Variants in GABBR2 observed in about 807,000 individuals in gnomAD.
The protein encoded by GABBR2 is gamma-aminobutyric acid type B receptor subunit 2, also known as G-protein coupled receptor 51.
In GABBR2, 23 loss-of-function variants were observed where a neutral mutation model predicts 105.6. The observed-to-expected ratio is 0.22, with a 90% CI of 0.16 to 0.31. GABBR2 has a LOEUF of 0.31. Ranked by LOEUF, GABBR2 falls within the 10% of genes least tolerant of loss-of-function variation. The pLI is 1.00. For missense variants in GABBR2, 734 were observed against 1,245.5 expected, an observed-to-expected ratio of 0.59 and a Z score of 6.18; for synonymous variants, 478 against 499.7, an observed-to-expected ratio of 0.96 and a Z score of 0.58.
chr9:98,323,058 C>T (rs2131378105), intron 13 of GABBR2, among the ~76,000 whole-genome samples: 1 of 152,216 alleles, frequency 6.6e-6, no homozygotes, highest in South Asian at 2.1e-4. Context: ...TTTTAGGGGA[C>T]ATTAAACGAG....
At chr9:98,694,759 C>T (rs963135981) in intron 1 of GABBR2, among the ~76,000 whole-genome samples, 2 of 152,146 alleles carry the variant, frequency 1.3e-5, no homozygotes, top group South Asian at 2.1e-4. Flanking sequence ...TCTCTTTCTC[C>T]GATCTCTATA....
At chr9:98,317,983 G>A (rs1218113912) in intron 13 of GABBR2, among the ~76,000 whole-genome samples, 1 of 152,170 alleles carries the variant, frequency 6.6e-6, no homozygotes, top group Non-Finnish European at 1.5e-5. Context: ...TCTGAGACCC[G>A]GCAGATAAGA....
chr9:98,364,515 G>A (rs1331443973), intron 12 of GABBR2, among the ~76,000 whole-genome samples: 1 of 151,992 alleles, frequency 6.6e-6, no homozygotes, highest in African/African-American at 2.4e-5. Flanking sequence ...GGCTTTAAAA[G>A]CTGAGCACCA....
chr9:98,632,247 C>T (rs1189038107), intron 1 of GABBR2, among the ~76,000 whole-genome samples: 1 of 152,192 alleles, frequency 6.6e-6, no homozygotes, highest in African/African-American at 2.4e-5. Context: ...AGCTCCTTAA[C>T]CTCTCTAAGC....
At chr9:98,308,645 A>G (rs1482395150) in intron 14 of GABBR2, among the ~76,000 whole-genome samples, 2 of 152,112 alleles carry the variant, frequency 1.3e-5, no homozygotes, top group Non-Finnish European at 2.9e-5. Context: ...CCATGTGGAG[A>G]CAGAGGCAGA....
intron 13 of GABBR2, among the ~76,000 whole-genome samples, chr9:98,334,656 T>C (rs1435625226): frequency 8.8e-5 from 3 of 34,220 alleles, no homozygotes; most frequent in African/African-American, 2.3e-4. Flanking sequence ...TATGGGTGGG[T>C]GGGCTGGGAA....
intron 1 of GABBR2, among the ~76,000 whole-genome samples, chr9:98,656,138 A>G (rs1414425690): frequency 6.6e-6 from 1 of 152,234 alleles, no homozygotes; most frequent in Non-Finnish European, 1.5e-5. Flanking sequence ...GATAATTAGT[A>G]GGCCAGTGTA....
intron 3 of GABBR2, among the ~76,000 whole-genome samples, chr9:98,524,946 A>G (rs1237149495): frequency 6.6e-6 from 1 of 152,226 alleles, no homozygotes; most frequent in Non-Finnish European, 1.5e-5. Flanking sequence ...TGGTCCTGGA[A>G]CAATTGAATA....
intron 1 of GABBR2, among the ~76,000 whole-genome samples, chr9:98,624,243 C>T (rs1471487610): frequency 2.0e-5 from 3 of 152,108 alleles, no homozygotes; most frequent in South Asian, 2.1e-4. Context: ...TCACAGGCAG[C>T]GTGCACAGGA....
intron 5 of GABBR2, among the ~76,000 whole-genome samples, chr9:98,479,842 T>C (rs907895367): frequency 1.3e-5 from 2 of 152,164 alleles, no homozygotes; most frequent in African/African-American, 2.4e-5. Flanking sequence ...GGGGGTCATC[T>C]GGAACATCCA....
intron 7 of GABBR2, among the ~76,000 whole-genome samples, chr9:98,439,393 T>C (rs961535411): frequency 6.6e-6 from 1 of 152,006 alleles, no homozygotes; most frequent in African/African-American, 2.4e-5. Flanking sequence ...AATTTTTAAA[T>C]CCAAAGGGAC....
At chr9:98,511,505 G>A (rs1055143434) in intron 3 of GABBR2, among the ~76,000 whole-genome samples, 18 of 146,422 alleles carry the variant, frequency 1.2e-4, no homozygotes, top group South Asian at 4.5e-4. Context: ...TTGATACACC[G>A]CTAGCAAGAC....
At chr9:98,368,806 G>A (rs1214713174) in intron 12 of GABBR2, among the ~76,000 whole-genome samples, 1 of 152,204 alleles carries the variant, frequency 6.6e-6, no homozygotes, top group East Asian at 1.9e-4. Context: ...AGGGGCCCCA[G>A]AAGCCACCTA....
At chr9:98,458,033 C>T (rs974104847) in intron 6 of GABBR2, among the ~76,000 whole-genome samples, 1 of 152,202 alleles carries the variant, frequency 6.6e-6, no homozygotes, top group African/African-American at 2.4e-5. Context: ...TTTTTAAAGG[C>T]ATTTGTTGGA....
intron 13 of GABBR2, among the ~76,000 whole-genome samples, chr9:98,340,004 A>T (rs72603691): frequency 0.031 from 4,668 of 152,168 alleles, 303 homozygotes; most frequent in East Asian, 0.27. Flanking sequence ...GGTAGAAGTG[A>T]CATGTGACAC....
intron 13 of GABBR2, among the ~76,000 whole-genome samples, chr9:98,320,176 C>A (rs1830794397): frequency 6.6e-6 from 1 of 151,872 alleles, no homozygotes; most frequent in Non-Finnish European, 1.5e-5. Flanking sequence ...AGGACATGAA[C>A]AGACACTTCT....
At chr9:98,358,689 A>AG (rs1831530584) in intron 13 of GABBR2, among the ~76,000 whole-genome samples, 1 of 152,176 alleles carries the variant, frequency 6.6e-6, no homozygotes, top group Admixed American at 6.5e-5. Context: ...TTGGGGCATG[A>AG]GGAGGCTGTG....
intron 8 of GABBR2, among the ~76,000 whole-genome samples, chr9:98,398,040 A>T (rs975990360): frequency 6.6e-6 from 1 of 152,178 alleles, no homozygotes; most frequent in East Asian, 1.9e-4. Context: ...TGGGCTTGTT[A>T]ACTCCACCGT....
chr9:98,702,879 TGG>T, intron 1 of GABBR2, among the ~76,000 whole-genome samples: 1 of 152,236 alleles, frequency 6.6e-6, no homozygotes, highest in Non-Finnish European at 1.5e-5. Flanking sequence ...TCAGACCCAC[TGG>T]CATACCAACC....
Sources: allele counts gnomAD v4.1 joint callset (sites outside exome capture counted in the v4.1 genomes callset), GRCh38; gene constraint gnomAD v4.1.1; transcripts MANE v1.5; gene names NCBI Gene and HGNC (gene_info 2026-07-23, HGNC 2026-07-21).